Variants in TANC1 observed in about 807,000 individuals in gnomAD.
TANC1 encodes the protein tetratricopeptide repeat, ankyrin repeat and coiled-coil containing 1.
In TANC1, 77 loss-of-function variants were observed where a neutral mutation model predicts 149.7. The ratio of observed to expected loss-of-function variants is 0.51; its 90% CI spans 0.43 to 0.62. The LOEUF is 0.62. Ranked by LOEUF, TANC1 falls within the 20% of genes least tolerant of loss-of-function variation. The pLI is 0.00. For missense variants in TANC1, 1,985 were observed against 2,321.8 expected, an observed-to-expected ratio of 0.85 and a Z score of 2.98; for synonymous variants, 854 against 925.0, an observed-to-expected ratio of 0.92 and a Z score of 1.39.
chr2:159,012,586 A>G (rs2037878302), intron 2 of TANC1, among the ~76,000 whole-genome samples: 1 of 152,206 alleles, frequency 6.6e-6, no homozygotes, highest in Non-Finnish European at 1.5e-5. Flanking sequence ...CCTAATAGGA[A>G]TGGAAGATAC....
At chr2:159,229,287 A>T (rs1364182344) in intron 26 of TANC1, among the ~76,000 whole-genome samples, 2 of 152,088 alleles carry the variant, frequency 1.3e-5, no homozygotes, top group Non-Finnish European at 2.9e-5. Flanking sequence ...TGGGATGGTA[A>T]CAATATTAAA....
At chr2:159,152,814 C>T (rs750367306) in intron 7 of TANC1, among the ~76,000 whole-genome samples, 13 of 152,104 alleles carry the variant, frequency 8.5e-5, no homozygotes, top group East Asian at 1.9e-4. Flanking sequence ...GCCACCCATT[C>T]GTTTATTTCT....
In TANC1 at chr2:158,977,818, C is replaced by T. The variant is rs780347907; in HGVS notation, c.-126+9036C>T. ...ATCTGGACCCTAACTTGTTTGCAGGCCCAGCTGTCCTCTCCTTGTCTCTGC... is the reference window on the plus strand; with the variant it reads ...ATCTGGACCCTAACTTGTTTGCAGGTCCAGCTGTCCTCTCCTTGTCTCTGC... On this transcript the variant is annotated intron_variant, in intron 1 of 26. Coordinates refer to ENST00000263635, the MANE Select transcript of TANC1 (RefSeq NM_033394.3). Among the ~76,000 whole-genome samples the T allele has an allele frequency of 5.9e-4, 90 of 152,062 alleles. 1 individual carries two copies. Among genetic ancestry groups the T allele is most frequent in the Non-Finnish European group, 1.0e-3 (69 of 68,018 alleles).
At chr2:159,187,168 G>A (rs776249468) in intron 16 of TANC1, 144 bp downstream of exon 16, 27 of 974,406 alleles carry the variant, frequency 2.8e-5, no homozygotes, top group Non-Finnish European at 3.5e-5. Flanking sequence ...CTGATCACAC[G>A]GGCTTGGGTG....
intron 19 of TANC1, among the ~76,000 whole-genome samples, chr2:159,201,408 G>A (rs779752474): frequency 2.0e-5 from 3 of 152,212 alleles, no homozygotes; most frequent in Admixed American, 6.5e-5. Flanking sequence ...GAGAACTGAA[G>A]GCCTTGAGAG....
At chr2:159,220,725 G>T (rs1277096457) in intron 22 of TANC1, among the ~76,000 whole-genome samples, 1 of 151,784 alleles carries the variant, frequency 6.6e-6, no homozygotes, top group African/African-American at 2.4e-5. Flanking sequence ...TGAGTAGCTG[G>T]GAATACAGGC....
rs146676979 is a variant in TANC1 at position 159,222,026 on chromosome 2, T to TA, written c.3678+2160dup. On this transcript the variant is annotated intron_variant, in intron 22 of 26. Transcript: ENST00000263635. ...CCTGGCAGTGGAAGCCATGGCCCTG[T>TA]ACCTCTGTGCCTTGGTGCTTTTAGA... is the stretch of plus-strand genomic sequence containing the variant. 3.7e-3 allele frequency among the ~76,000 whole-genome samples: 569 copies of TA among 152,342 alleles called. 1 individual carries two copies. The highest frequency in any genetic ancestry group is 0.013 in the African/African-American group (544 of 41,582).
chr2:159,146,193 C>A (rs2052063668), intron 5 of TANC1, among the ~76,000 whole-genome samples: 1 of 152,154 alleles, frequency 6.6e-6, no homozygotes, highest in East Asian at 1.9e-4. Context: ...CCCAGGCGGT[C>A]CTTCTGCCAG....
rs1367826395 is a variant in TANC1 at position 159,175,164 on chromosome 2, CA to C, written c.1716del (p.Leu573SerfsTer4). The part of the protein sequence containing the change: ...VAAFKRGVLE[P>X]LTNLRNEQKI... ...GCTTTCAAGAGGGGAGTGCTGGAGC[CA>C]CTCACAAACCTGAGAAATGGTACTT... On this transcript the variant is annotated frameshift_variant, in exon 12 of 27. Coordinates refer to ENST00000263635, the MANE Select transcript of TANC1 (RefSeq NM_033394.3). LOFTEE classifies it high-confidence loss of function. 4 of 1,614,038 alleles carry C rather than the reference CA, an allele frequency of 2.5e-6. No individual in the cohort carries two copies. The highest frequency in any genetic ancestry group is 3.4e-6 in the Non-Finnish European group (4 of 1,179,918).
rs527345077 is a variant in TANC1 at position 158,987,515 on chromosome 2, G to A, written c.-125-13565G>A. On this transcript the variant is annotated intron_variant, in intron 1 of 26. Transcript: ENST00000263635. ...TGCACTCCAGCCTGTACAACAGAGC[G>A]AGACCCTGTCTCAAAAAAAGTACTC... is the stretch of plus-strand genomic sequence containing the variant. Among the ~76,000 whole-genome samples, 31 of 152,242 alleles carry A rather than the reference G, an allele frequency of 2.0e-4. 1 individual carries two copies. Among genetic ancestry groups the A allele is most frequent in the African/African-American group, 6.7e-4 (28 of 41,556 alleles).
intron 2 of TANC1, among the ~76,000 whole-genome samples, chr2:159,045,514 T>C (rs1559167358): frequency 2.6e-5 from 4 of 152,158 alleles, no homozygotes; most frequent in Middle Eastern, 3.2e-3. Flanking sequence ...CCGAAGAAAT[T>C]GTCTGCTTAA....
intron 1 of TANC1, among the ~76,000 whole-genome samples, chr2:158,991,091 CAAAAAAAAAAAAAA>C (rs34411224): frequency 1.0e-4 from 7 of 70,178 alleles, no homozygotes; most frequent in African/African-American, 1.8e-4. Flanking sequence ...GATCCTGTGT[CAAAAAAAAAAAAAA>C]AAAAAAAAAA....
intron 2 of TANC1, among the ~76,000 whole-genome samples, chr2:159,018,362 T>A (rs2038482294): frequency 6.6e-6 from 1 of 152,202 alleles, no homozygotes; most frequent in South Asian, 2.1e-4. Flanking sequence ...ATATGTGGCC[T>A]TTGAGAACAT....
chr2:159,206,305 G>A (rs879262241), intron 19 of TANC1, among the ~76,000 whole-genome samples: 7 of 152,170 alleles, frequency 4.6e-5, no homozygotes, highest in Non-Finnish European at 8.8e-5. Flanking sequence ...GAGGCAGATA[G>A]GGGATCAGAA....
At position 159,229,743 on chromosome 2, in the gene TANC1, C is replaced by T. The variant is rs201595327; in HGVS notation, c.4317C>T (p.Ser1439=). 143 of 1,613,910 alleles carry T rather than the reference C, an allele frequency of 8.9e-5. No individual in the cohort carries two copies. Among genetic ancestry groups the T allele is most frequent in the Non-Finnish European group, 6.9e-5 (82 of 1,179,998 alleles). ...QGPLPAPLND[S]ENEEDTPTPG... ...CGCTACCAGCTCCACTCAACGACTC[C>T]GAGAACGAAGAGGACACCCCAACCC... The change falls in exon 27 of 27, where the codon TCC becomes TCT. Residue 1439 remains serine (S), a synonymous_variant. Transcript: ENST00000263635.
chr2:159,219,679 G>C lies in TANC1; in HGVS notation c.3503-13G>C, dbSNP rs1391661293. On this transcript the variant is annotated splice_polypyrimidine_tract_variant and intron_variant, in intron 21 of 26. Transcript: ENST00000263635. Reference sequence around the variant, plus strand: ...CATAATGTTCATGTTCTGTGAATGGGCTTTCCTTTCAGGTGCAGCCCTTTC... The same window carrying C: ...CATAATGTTCATGTTCTGTGAATGGCCTTTCCTTTCAGGTGCAGCCCTTTC... 2 of 1,614,162 alleles carry C rather than the reference G, an allele frequency of 1.2e-6. No individual in the cohort carries two copies. The highest frequency in any genetic ancestry group is 2.2e-5 in the South Asian group (2 of 91,068).
At chr2:159,097,557 AAT>A (rs2046263054) in intron 3 of TANC1, 78 bp from the exon 4 acceptor site, 1 of 1,063,764 alleles carries the variant, frequency 9.4e-7, no homozygotes, top group Non-Finnish European at 1.4e-6. Flanking sequence ...ATATTCTGAG[AAT>A]ATAGTTTATA....
intron 2 of TANC1, among the ~76,000 whole-genome samples, chr2:159,015,366 C>A (rs1343389460): frequency 6.6e-6 from 1 of 152,192 alleles, no homozygotes; most frequent in Non-Finnish European, 1.5e-5. Flanking sequence ...AGGCTGCCCA[C>A]AGCATGAAAA....
At chr2:159,209,077 C>T (rs2058818207) in intron 19 of TANC1, among the ~76,000 whole-genome samples, 1 of 152,234 alleles carries the variant, frequency 6.6e-6, no homozygotes, top group Non-Finnish European at 1.5e-5. Context: ...CATCACACAG[C>T]ATGTGACTGT....
Sources: allele counts gnomAD v4.1 joint callset (sites outside exome capture counted in the v4.1 genomes callset), GRCh38; gene constraint gnomAD v4.1.1; transcripts MANE v1.5; gene names NCBI Gene and HGNC (gene_info 2026-07-23, HGNC 2026-07-21).